SRGAP2C: variants seen among roughly 807,000 people sequenced by gnomAD.
SRGAP2C encodes SLIT-ROBO Rho GTPase activating protein 2C.
SRGAP2C carries 15 observed loss-of-function variants against 25.1 expected under a neutral mutation model. The observed-to-expected ratio is 0.60, with a 90% CI of 0.40 to 0.92. The LOEUF is 0.92. Ranked by LOEUF, SRGAP2C falls within the 40% of genes least tolerant of loss-of-function variation. The probability of loss-of-function intolerance (pLI) is 0.00; values close to 1 mark genes in which losing one functional copy is unlikely to be tolerated. For synonymous variants in SRGAP2C, 44 were observed against 96.6 expected, an observed-to-expected ratio of 0.46 and a Z score of 3.19; for missense variants, 144 against 264.4, an observed-to-expected ratio of 0.54 and a Z score of 3.16.
chr1:121,310,317 G>C (rs2101595546), intron 3 of SRGAP2C, among the ~76,000 whole-genome samples: 2 of 96,750 alleles, frequency 2.1e-5, no homozygotes, highest in South Asian at 3.8e-4. Context: ...GTAGATTCTG[G>C]ATATTAGCCC....
chr1:121,370,725 T>C (rs1659463952), intron 5 of SRGAP2C, among the ~76,000 whole-genome samples: 1 of 152,068 alleles, frequency 6.6e-6, no homozygotes, highest in Non-Finnish European at 1.5e-5. Flanking sequence ...ATTACAGGCA[T>C]GAGCCACCAT....
chr1:121,285,277 G>C (rs1264538047), intron 3 of SRGAP2C, among the ~76,000 whole-genome samples: 1 of 150,732 alleles, frequency 6.6e-6, no homozygotes, highest in Non-Finnish European at 1.5e-5. Context: ...ATGTTAGTTT[G>C]CTTAATCCCA....
intron 2 of SRGAP2C, among the ~76,000 whole-genome samples, chr1:121,208,268 T>C (rs1655165864): frequency 6.6e-6 from 1 of 152,148 alleles, no homozygotes; most frequent in Non-Finnish European, 1.5e-5. Flanking sequence ...AATCACCTGT[T>C]GCTTTCTGGG....
chr1:121,273,887 G>A (rs1269887570), intron 2 of SRGAP2C, among the ~76,000 whole-genome samples: 3 of 151,812 alleles, frequency 2.0e-5, no homozygotes, highest in Non-Finnish European at 4.4e-5. Flanking sequence ...CACGCAGCAG[G>A]GGTAGAAGGC....
chr1:121,235,185 G>T (rs1655926125), intron 2 of SRGAP2C, among the ~76,000 whole-genome samples: 1 of 139,032 alleles, frequency 7.2e-6, no homozygotes, highest in African/African-American at 2.8e-5. Flanking sequence ...CCGCCACCAG[G>T]CCCGGCTAAT....
At chr1:121,348,661 T>A (rs1658814866) in intron 4 of SRGAP2C, among the ~76,000 whole-genome samples, 1 of 150,496 alleles carries the variant, frequency 6.6e-6, no homozygotes, top group African/African-American at 2.4e-5. Context: ...AATTATTAGG[T>A]GCTTACTATA....
chr1:121,306,967 ATTC>A (rs1379005635), intron 3 of SRGAP2C, among the ~76,000 whole-genome samples: 2 of 151,260 alleles, frequency 1.3e-5, no homozygotes, highest in Admixed American at 1.3e-4. Context: ...TTGTTCTGTT[ATTC>A]TTTTTTTTGT....
chr1:121,339,609 T>TAA (rs1658605219), intron 4 of SRGAP2C, among the ~76,000 whole-genome samples: 1 of 145,868 alleles, frequency 6.9e-6, no homozygotes, highest in Non-Finnish European at 1.5e-5. Flanking sequence ...TAGAAGCAAT[T>TAA]AAAAATCTCA....
intron 2 of SRGAP2C, among the ~76,000 whole-genome samples, chr1:121,230,144 T>TA (rs1389185862): frequency 4.1e-5 from 6 of 148,038 alleles, no homozygotes; most frequent in Admixed American, 2.7e-4. Context: ...TAGTACCGTT[T>TA]AGCTTCATTA....
At chr1:121,371,380 CTT>C (rs1425365864) in intron 5 of SRGAP2C, among the ~76,000 whole-genome samples, 33 of 78,932 alleles carry the variant, frequency 4.2e-4, no homozygotes, top group Non-Finnish European at 6.7e-4. Context: ...CCTGTCTTGA[CTT>C]TCCTATTTTT....
intron 5 of SRGAP2C, among the ~76,000 whole-genome samples, chr1:121,372,862 G>A (rs1362606394): frequency 2.7e-5 from 2 of 72,906 alleles, no homozygotes; most frequent in African/African-American, 1.3e-4. Flanking sequence ...TTGCACTCCT[G>A]TGTTACACAC....
chr1:121,243,778 T>A (rs1186970458), intron 2 of SRGAP2C, among the ~76,000 whole-genome samples: 1 of 129,050 alleles, frequency 7.7e-6, no homozygotes, highest in Non-Finnish European at 1.6e-5. Flanking sequence ...CATGCAGTGT[T>A]TTTGTTTTTT....
intron 4 of SRGAP2C, among the ~76,000 whole-genome samples, chr1:121,347,542 C>A (rs1658778010): frequency 6.6e-6 from 1 of 151,804 alleles, no homozygotes; most frequent in Non-Finnish European, 1.5e-5. Context: ...AGGGTTTACC[C>A]AAAAGGTCTG....
chr1:121,191,627 T>G (rs1654679586), intron 2 of SRGAP2C, among the ~76,000 whole-genome samples: 1 of 151,430 alleles, frequency 6.6e-6, no homozygotes, highest in Admixed American at 6.6e-5. Context: ...GGTGGTAAGG[T>G]GCAGGGCATG....
chr1:121,346,701 C>T (rs1330174991), intron 4 of SRGAP2C, among the ~76,000 whole-genome samples: 17 of 152,152 alleles, frequency 1.1e-4, no homozygotes, highest in Non-Finnish European at 5.9e-5. Context: ...TGAAAATGCC[C>T]TTGTGGGTCA....
At chr1:121,295,977 T>G (rs1348125715) in intron 3 of SRGAP2C, among the ~76,000 whole-genome samples, 1 of 151,908 alleles carries the variant, frequency 6.6e-6, no homozygotes, top group African/African-American at 2.4e-5. Flanking sequence ...GTCAGGTTGG[T>G]CTTGAACTCC....
At chr1:121,277,453 AC>A (rs1657131945) in intron 2 of SRGAP2C, among the ~76,000 whole-genome samples, 1 of 150,614 alleles carries the variant, frequency 6.6e-6, no homozygotes, top group Admixed American at 6.6e-5. Flanking sequence ...TGCTATGTTG[AC>A]CAGGCTGGTC....
intron 2 of SRGAP2C, among the ~76,000 whole-genome samples, chr1:121,195,189 T>G (rs587692172): frequency 6.6e-6 from 1 of 152,178 alleles, no homozygotes; most frequent in African/African-American, 2.4e-5. Context: ...GGCAGATGGA[T>G]CACCTGAGGT....
intron 3 of SRGAP2C, among the ~76,000 whole-genome samples, chr1:121,299,456 G>T (rs1553338605): frequency 1.1e-5 from 1 of 89,320 alleles, no homozygotes; most frequent in Admixed American, 1.2e-4. Flanking sequence ...CTCCACTGTC[G>T]TTGCTCCTTG....
Sources: gnomAD v4.1 joint callset for allele counts (sites outside exome capture counted in the v4.1 genomes callset) on GRCh38, gnomAD v4.1.1 for gene constraint, MANE v1.5 for transcripts, NCBI Gene and HGNC (gene_info 2026-07-23, HGNC 2026-07-21) for gene names.